The following CHI3L2 variants were observed in gnomAD, a reference collection of about 807,000 sequenced individuals.
CHI3L2 encodes chitinase-3-like protein 2.
In CHI3L2, 47 loss-of-function variants were observed where a neutral mutation model predicts 47.3. The observed-to-expected ratio is 0.99, with a 90% CI of 0.79 to 1.27. The LOEUF (loss-of-function observed/expected upper bound fraction) is 1.27. Among genes scored for constraint, CHI3L2 ranks in the 50% most tolerant of loss-of-function variants. The pLI is 0.00. For missense variants in CHI3L2, 497 were observed against 462.1 expected (o/e 1.08, Z -0.69); for synonymous variants, 198 against 169.9 (o/e 1.17, Z -1.28).
At chr1:111,227,798 A>G (rs767033287) in intron 1 of CHI3L2, 29 bp downstream of exon 1, 13 of 1,607,232 alleles carry the variant, frequency 8.1e-6, no homozygotes, top group Non-Finnish European at 1.0e-5. Context: ...ATTCAGCAGG[A>G]AATTTGGTGA....
Position 111,241,413 on chromosome 1 carries a change from C to T in CHI3L2, c.1005C>T (p.Gly335=). ...PYAVKGNQWV[G]YDDVKSMETK... Reference sequence around the variant, plus strand: ...CAGTCAAGGGGAACCAGTGGGTGGGCTATGATGATGTGAAGAGTATGGAGA... The same window carrying T: ...CAGTCAAGGGGAACCAGTGGGTGGGTTATGATGATGTGAAGAGTATGGAGA... Residue 335 remains glycine, a synonymous_variant, in exon 9 of 11, where the codon GGC becomes GGT. Transcript: ENST00000369748. 1 of 1,604,600 alleles carries T rather than the reference C, an allele frequency of 6.2e-7. No individual in the cohort carries two copies. Among genetic ancestry groups the T allele is most frequent in the East Asian group, 2.2e-5 (1 of 44,840 alleles).
intron 1 of CHI3L2, chr1:111,229,566 C>T (rs1230031226): frequency 3.1e-5 from 8 of 259,190 alleles, no homozygotes; most frequent in Admixed American, 1.2e-4. Flanking sequence ...CCTGTAGTCC[C>T]AGCTACTTGG....
At chr1:111,231,074 C>A in intron 3 of CHI3L2, 131 bp downstream of exon 3, 1 of 974,234 alleles carries the variant, frequency 1.0e-6, no homozygotes, top group Non-Finnish European at 1.6e-6. Context: ...TATTTCTGAT[C>A]CTAACTGTTC....
rs778549810 is a variant in CHI3L2 at position 111,234,997 on chromosome 1, G to T, written c.420G>T (p.Leu140=). ...TGAGGAACCATAACTTTGATGGACT[G>T]GATGTAAGCTGGATCTACCCAGATC... ...LFLRNHNFDG[L]DVSWIYPDQK... is the part of the protein sequence containing the mutation. Residue 140 remains leucine, a synonymous_variant, in exon 5 of 11, where the codon CTG becomes CTT. Transcript: ENST00000369748. 1 of 1,613,968 alleles carries T rather than the reference G, an allele frequency of 6.2e-7. No homozygotes were observed. Among genetic ancestry groups the T allele is most frequent in the Non-Finnish European group, 8.5e-7 (1 of 1,179,994 alleles).
At chr1:111,233,602 G>T (rs1460141953) in intron 4 of CHI3L2, among the ~76,000 whole-genome samples, 4 of 152,054 alleles carry the variant, frequency 2.6e-5, no homozygotes, top group Non-Finnish European at 5.9e-5. Context: ...CAGCCGCCCC[G>T]TCCGGGAGGT....
intron 4 of CHI3L2, among the ~76,000 whole-genome samples, chr1:111,233,061 A>G (rs541874836): frequency 6.6e-6 from 1 of 152,340 alleles, no homozygotes; most frequent in Admixed American, 6.5e-5. Context: ...GACACAACTT[A>G]AAGGTTATGT....
At chr1:111,237,546 T>C (rs1231762744) in intron 7 of CHI3L2, among the ~76,000 whole-genome samples, 1 of 152,206 alleles carries the variant, frequency 6.6e-6, no homozygotes, top group Admixed American at 6.5e-5. Flanking sequence ...GTTGGGGTTT[T>C]CTAGGCCTTC....
chr1:111,243,089 C>T (rs957794418), intron 10 of CHI3L2, 128 bp from the exon 11 acceptor site: 1 of 446,426 alleles, frequency 2.2e-6, no homozygotes, highest in Non-Finnish European at 4.5e-6. Flanking sequence ...GGCCTAGAAC[C>T]ATTTGAAAAC....
At chr1:111,241,513 C>CT in intron 9 of CHI3L2, 70 bp downstream of exon 9, 1 of 822,738 alleles carries the variant, frequency 1.2e-6, no homozygotes, top group South Asian at 1.6e-5. Flanking sequence ...CCTGAATACT[C>CT]TATGTTCAAA....
Position 111,229,781 on chromosome 1 carries a change from C to T in CHI3L2, c.41-71C>T, listed in dbSNP as rs560709708. ...TTGTATGTGAGCACACCCACATTTT[C>T]ACTGCCATTATCTGGGACAGCAGAA... On this transcript the variant is annotated intron_variant, in intron 1 of 10. Coordinates refer to ENST00000369748, the MANE Select transcript of CHI3L2 (RefSeq NM_004000.3). 2.0e-5 allele frequency: 31 copies of T among 1,575,484 alleles called. No homozygotes were observed. In the East Asian group the frequency reaches 7.2e-4, roughly 37 times the overall value.
At chr1:111,229,969 T>G in intron 2 of CHI3L2, 88 bp downstream of exon 2, 1 of 1,434,348 alleles carries the variant, frequency 7.0e-7, no homozygotes, top group South Asian at 1.2e-5. Context: ...TGCTACATGC[T>G]TTTTCTCTTG....
chr1:111,242,656 A>G (rs560568414), intron 10 of CHI3L2: 1 of 226,218 alleles, frequency 4.4e-6, no homozygotes, highest in African/African-American at 2.3e-5. Flanking sequence ...TGACACCACC[A>G]CAATTCTTGG....
At chr1:111,239,627 T>C (rs1427382561) in intron 8 of CHI3L2, among the ~76,000 whole-genome samples, 4 of 152,138 alleles carry the variant, frequency 2.6e-5, no homozygotes, top group African/African-American at 9.6e-5. Flanking sequence ...GAAGTAGGTG[T>C]TTCAAAAAGG....
chr1:111,236,260 G>A, intron 7 of CHI3L2, 107 bp downstream of exon 7: 1 of 1,250,976 alleles, frequency 8.0e-7, no homozygotes, highest in Non-Finnish European at 1.1e-6. Flanking sequence ...AGAGCTATGA[G>A]CCCAAGAGGG....
At position 111,235,732 on chromosome 1, in the gene CHI3L2, G is replaced by A; in HGVS notation, c.574G>A (p.Asp192Asn). Reference protein sequence around the residue: ...AGVSAGRQMIDNSYQVEKLAK... With the variant: ...AGVSAGRQMINNSYQVEKLAK... The stretch of plus-strand genomic sequence containing the variant: ...CGTATCTGCAGGGAGGCAAATGATT[G>A]ATAACAGCTATCAAGTTGAGAAACT... Residue 192 changes from aspartate to asparagine, a missense_variant, in exon 6 of 11, where the codon GAT becomes AAT. Coordinates refer to ENST00000369748, the MANE Select transcript of CHI3L2 (RefSeq NM_004000.3). 1 of 1,614,124 alleles carries A rather than the reference G, an allele frequency of 6.2e-7. No individual in the cohort carries two copies. Among genetic ancestry groups the A allele is most frequent in the Non-Finnish European group, 8.5e-7 (1 of 1,179,978 alleles).
rs753443223 is a variant in CHI3L2 at position 111,235,067 on chromosome 1, GA to G, written c.480+12del. On this transcript the variant is annotated intron_variant, in intron 5 of 10. Transcript: ENST00000369748. ...CACTGTGCTGATTCATGTAAGTCAT[GA>G]ATCAAGTAATTCATGTGAGTCAGAT... 3 of 1,613,092 alleles carry G rather than the reference GA, an allele frequency of 1.9e-6. No individual in the cohort carries two copies. In the East Asian group the frequency reaches 6.7e-5, roughly 36 times the overall value.
chr1:111,235,862 G>T, intron 6 of CHI3L2, 99 bp downstream of exon 6: 2 of 1,558,670 alleles, frequency 1.3e-6, no homozygotes, highest in South Asian at 2.4e-5. Context: ...GAGGAAGAGA[G>T]GGAAGGTCAT....
At chr1:111,231,036 C>A in intron 3 of CHI3L2, 93 bp downstream of exon 3, 1 of 1,058,338 alleles carries the variant, frequency 9.4e-7, no homozygotes, top group Non-Finnish European at 1.4e-6. Context: ...CTCATTCATT[C>A]ATTCATTCCT....
rs1475985693 is a variant in CHI3L2, at chr1:111,243,238, G to T, written c.*24G>T. ...CCAGGATTAACTTACAGAGAAGCAG[G>T]CAAGATGACCTTGCTGCCTGGGGCC... On this transcript the variant is annotated 3_prime_UTR_variant, in exon 11 of 11. Coordinates refer to ENST00000369748, the MANE Select transcript of CHI3L2 (RefSeq NM_004000.3). 6 of 455,880 alleles carry T rather than the reference G, an allele frequency of 1.3e-5. No homozygotes were observed. Among genetic ancestry groups the T allele is most frequent in the South Asian group, 6.2e-5 (4 of 64,546 alleles). The allele number at this position is 455,880 out of a possible 1,614,324, so 28.2% of individuals were successfully genotyped here.
Sources: allele counts gnomAD v4.1 joint callset (sites outside exome capture counted in the v4.1 genomes callset), GRCh38; gene constraint gnomAD v4.1.1; transcripts MANE v1.5; gene names NCBI Gene and HGNC (gene_info 2026-07-23, HGNC 2026-07-21).